The following KCNQ5 variants were observed in gnomAD, a reference collection of about 807,000 sequenced individuals.
The protein encoded by KCNQ5 is potassium voltage-gated channel subfamily KQT member 5.
A neutral mutation model predicts 98.2 loss-of-function variants in KCNQ5; 30 were observed. The ratio of observed to expected loss-of-function variants is 0.31; its 90% CI spans 0.23 to 0.41. The LOEUF (loss-of-function observed/expected upper bound fraction) is 0.41, where lower values mean the gene tolerates loss of function less well. Ranked by LOEUF, KCNQ5 falls within the 10% of genes least tolerant of loss-of-function variation. KCNQ5 has a pLI of 1.00. For synonymous variants in KCNQ5, 458 were observed against 449.4 expected (o/e 1.02, Z -0.24); for missense variants, 835 against 1,182.5 (o/e 0.71, Z 4.31).
At chr6:73,130,866 T>C (rs551454163) in intron 9 of KCNQ5, among the ~76,000 whole-genome samples, 160 of 152,348 alleles carry the variant, frequency 1.1e-3, no homozygotes, top group Non-Finnish European at 1.8e-3. Context: ...TTAACTTTCA[T>C]ATAATTATGT....
At chr6:73,170,060 G>A (rs1377077030) in intron 11 of KCNQ5, among the ~76,000 whole-genome samples, 1 of 151,734 alleles carries the variant, frequency 6.6e-6, no homozygotes, top group Non-Finnish European at 1.5e-5. Flanking sequence ...ATAAAACGTG[G>A]GTGGGATTTG....
At chr6:72,762,520 G>A (rs1292786087) in intron 1 of KCNQ5, among the ~76,000 whole-genome samples, 1 of 152,014 alleles carries the variant, frequency 6.6e-6, no homozygotes, top group Non-Finnish European at 1.5e-5. Context: ...TTTTAACCAG[G>A]CATCAGCTTT....
At chr6:72,847,150 C>T (rs992395675) in intron 1 of KCNQ5, among the ~76,000 whole-genome samples, 3 of 152,018 alleles carry the variant, frequency 2.0e-5, no homozygotes, top group Non-Finnish European at 4.4e-5. Flanking sequence ...TTCCCTTGCA[C>T]TCCAATAAAG....
chr6:73,096,033 A>C (rs1439258432), intron 5 of KCNQ5, among the ~76,000 whole-genome samples: 1 of 152,200 alleles, frequency 6.6e-6, no homozygotes, highest in Non-Finnish European at 1.5e-5. Context: ...GCTGAGGAGC[A>C]AGGAAGCCAC....
intron 1 of KCNQ5, among the ~76,000 whole-genome samples, chr6:72,729,218 C>T (rs562973556): frequency 5.6e-4 from 86 of 152,216 alleles, no homozygotes; most frequent in African/African-American, 1.9e-3. Context: ...TAATCTTGTA[C>T]GTGTGTCTTT....
At chr6:72,698,636 T>TTTCTTC (rs1554689810) in intron 1 of KCNQ5, among the ~76,000 whole-genome samples, 26 of 121,146 alleles carry the variant, frequency 2.1e-4, no homozygotes, top group African/African-American at 4.0e-4. Flanking sequence ...TCTGTGTTTT[T>TTTCTTC]TTCTTCTTCT....
intron 7 of KCNQ5, among the ~76,000 whole-genome samples, chr6:73,119,550 C>T (rs1775658119): frequency 1.3e-5 from 2 of 152,280 alleles, no homozygotes; most frequent in South Asian, 4.2e-4. Context: ...CAGCTATACA[C>T]CTAGAGAGTA....
chr6:73,050,303 GAA>G (rs1491071470), intron 3 of KCNQ5, among the ~76,000 whole-genome samples: 14 of 133,752 alleles, frequency 1.0e-4, no homozygotes, highest in African/African-American at 3.3e-4. Context: ...AGGAAGGAAG[GAA>G]GGAAGGGAGG....
intron 10 of KCNQ5, among the ~76,000 whole-genome samples, chr6:73,149,035 T>C (rs935922366): frequency 1.3e-5 from 2 of 152,166 alleles, no homozygotes; most frequent in Non-Finnish European, 2.9e-5. Flanking sequence ...GAAGACATAC[T>C]GAAAAGTAAA....
chr6:73,179,475 C>T (rs1778330301), intron 11 of KCNQ5, among the ~76,000 whole-genome samples: 1 of 152,178 alleles, frequency 6.6e-6, no homozygotes, highest in Non-Finnish European at 1.5e-5. Flanking sequence ...CTAATCACCT[C>T]TTAAAAGTTC....
chr6:72,626,373 A>T (rs369767271), intron 1 of KCNQ5, among the ~76,000 whole-genome samples: 4 of 152,246 alleles, frequency 2.6e-5, no homozygotes, highest in African/African-American at 9.6e-5. Context: ...TTGAGTAAAG[A>T]TATGGAGTTG....
chr6:73,081,558 C>G (rs996961541), intron 5 of KCNQ5, among the ~76,000 whole-genome samples: 2 of 152,076 alleles, frequency 1.3e-5, no homozygotes, highest in African/African-American at 2.4e-5. Context: ...CTCAAAGACT[C>G]CCTTGGGGAG....
chr6:73,089,301 A>T (rs1774131655), intron 5 of KCNQ5, among the ~76,000 whole-genome samples: 1 of 152,144 alleles, frequency 6.6e-6, no homozygotes, highest in African/African-American at 2.4e-5. Flanking sequence ...CAGAATAAGG[A>T]TTTAGGAAAC....
chr6:73,129,982 G>A, intron 9 of KCNQ5: 1 of 669,610 alleles, frequency 1.5e-6, no homozygotes, highest in Non-Finnish European at 2.6e-6. Context: ...CTTGAATGAG[G>A]TTTTCAACCC....
intron 1 of KCNQ5, among the ~76,000 whole-genome samples, chr6:72,970,745 G>C (rs1354808050): frequency 6.6e-6 from 1 of 152,132 alleles, no homozygotes; most frequent in Non-Finnish European, 1.5e-5. Context: ...ACAAGAAATG[G>C]GGAAAGGATT....
intron 1 of KCNQ5, among the ~76,000 whole-genome samples, chr6:72,823,516 C>T (rs1168522344): frequency 1.3e-5 from 2 of 152,106 alleles, no homozygotes; most frequent in African/African-American, 4.8e-5. Flanking sequence ...TCTTACTATG[C>T]CTATGTGTTT....
intron 1 of KCNQ5, among the ~76,000 whole-genome samples, chr6:72,976,436 C>T (rs1325755926): frequency 6.6e-6 from 1 of 152,120 alleles, no homozygotes; most frequent in South Asian, 2.1e-4. Context: ...ACTATTACAC[C>T]GGATTATTTT....
At chr6:72,861,210 T>G (rs1242669733) in intron 1 of KCNQ5, among the ~76,000 whole-genome samples, 1 of 152,178 alleles carries the variant, frequency 6.6e-6, no homozygotes, top group Admixed American at 6.6e-5. Context: ...ATGAATTTTC[T>G]TTTTTGTTAA....
At chr6:73,089,703 C>T (rs1308248620) in intron 5 of KCNQ5, among the ~76,000 whole-genome samples, 1 of 152,120 alleles carries the variant, frequency 6.6e-6, no homozygotes, top group Non-Finnish European at 1.5e-5. Flanking sequence ...GAACAATAGT[C>T]TCCAATCTCA....
Sources: allele counts gnomAD v4.1 joint callset (sites outside exome capture counted in the v4.1 genomes callset), GRCh38; gene constraint gnomAD v4.1.1; transcripts MANE v1.5; gene names NCBI Gene and HGNC (gene_info 2026-07-23, HGNC 2026-07-21).